The following PID1 variants were observed in gnomAD, a reference collection of about 807,000 sequenced individuals.
PID1 encodes the protein phosphotyrosine interaction domain containing 1.
A neutral mutation model predicts 19.1 loss-of-function variants in PID1; 10 were observed. The ratio of observed to expected loss-of-function variants is 0.52; its 90% CI spans 0.32 to 0.89. The LOEUF (loss-of-function observed/expected upper bound fraction) is 0.89, where lower values mean the gene tolerates loss of function less well. Among genes scored for constraint, PID1 ranks in the 40% least tolerant of loss-of-function variants. The pLI is 0.03. For synonymous variants in PID1, 130 were observed against 116.0 expected (o/e 1.12, Z -0.78); for missense variants, 248 against 285.3 (o/e 0.87, Z 0.94).
At chr2:229,169,160 T>G (rs112053906) in intron 1 of PID1, among the ~76,000 whole-genome samples, 12 of 152,308 alleles carry the variant, frequency 7.9e-5, no homozygotes, top group African/African-American at 2.6e-4. Flanking sequence ...TAGCCCACAA[T>G]TGACTTTTAA....
At chr2:229,088,912 T>C (rs565990850) in intron 2 of PID1, among the ~76,000 whole-genome samples, 2 of 152,274 alleles carry the variant, frequency 1.3e-5, no homozygotes, top group South Asian at 4.2e-4. Flanking sequence ...ACTGTTAGAG[T>C]CACTGGAATA....
chr2:229,185,082 CATATATATCCT>C (rs1559275368), intron 1 of PID1, among the ~76,000 whole-genome samples: 2 of 142,536 alleles, frequency 1.4e-5, no homozygotes, highest in African/African-American at 5.2e-5. Context: ...ATATATCCTA[CATATATATCCT>C]ATATATATCC....
chr2:229,095,600 T>C (rs1694957929), intron 2 of PID1, among the ~76,000 whole-genome samples: 1 of 152,172 alleles, frequency 6.6e-6, no homozygotes, highest in South Asian at 2.1e-4. Context: ...TCTCCTTGCA[T>C]TGATAAGCAA....
intron 1 of PID1, among the ~76,000 whole-genome samples, chr2:229,265,921 C>T (rs1369833684): frequency 2.0e-5 from 3 of 152,122 alleles, no homozygotes; most frequent in South Asian, 2.1e-4. Flanking sequence ...ACAGTCAACA[C>T]GAAACAGCCA....
At position 229,107,120 on chromosome 2, in the gene PID1, G is replaced by T. The variant is rs1293395956; in HGVS notation, c.177+48698C>A. Among the ~76,000 whole-genome samples, 6 of 152,100 alleles carry T rather than the reference G, an allele frequency of 3.9e-5. No individual in the cohort carries two copies. The East Asian group carries it at 7.7e-4, about 20-fold the overall frequency. On this transcript the variant is annotated intron_variant, in intron 2 of 2. Transcript: ENST00000392055. Reference sequence around the variant, plus strand: ...GTCATACTTCCATGACCCAAGAAATGCCAGAAGCCACCAGAAGCTGGAAGA... The same window carrying T: ...GTCATACTTCCATGACCCAAGAAATTCCAGAAGCCACCAGAAGCTGGAAGA...
intron 1 of PID1, among the ~76,000 whole-genome samples, chr2:229,169,174 T>C (rs1243617922): frequency 6.6e-6 from 1 of 152,202 alleles, no homozygotes; most frequent in African/African-American, 2.4e-5. Context: ...CTTTTAAAAA[T>C]GTAATAATTT....
intron 1 of PID1, among the ~76,000 whole-genome samples, chr2:229,164,406 T>C (rs1690557504): frequency 6.6e-6 from 1 of 152,130 alleles, no homozygotes. Context: ...AGAATAATAA[T>C]ATAACACAAT....
At chr2:229,232,059 C>A (rs530064354) in intron 1 of PID1, 1 of 1,538,204 alleles carries the variant, frequency 6.5e-7, no homozygotes, top group African/African-American at 1.4e-5. Flanking sequence ...GAACATGGCA[C>A]GAAGCCTCTT....
chr2:229,101,128 C>T (rs1314522204), intron 2 of PID1, among the ~76,000 whole-genome samples: 1 of 152,172 alleles, frequency 6.6e-6, no homozygotes, highest in Non-Finnish European at 1.5e-5. Context: ...ACGGTGTGAA[C>T]ACAAGATTCC....
At position 229,069,141 on chromosome 2, in the gene PID1, TTTTGTGTGTGTGTG is replaced by T. The variant is rs1371911880; in HGVS notation, c.178-43047_178-43034del. ...CTTTCCTTTCTTTAACGAGAAGGGTTTTTGTGTGTGTGTGTGTGTGTGTGTGTGTGTGTGTGTGA... is the reference window on the plus strand; with the variant it reads ...CTTTCCTTTCTTTAACGAGAAGGGTTTGTGTGTGTGTGTGTGTGTGTGTGA... On this transcript the variant is annotated intron_variant, in intron 2 of 2. Transcript: ENST00000392055. Among the ~76,000 whole-genome samples, 188 of 128,810 alleles carry T rather than the reference TTTTGTGTGTGTGTG, an allele frequency of 1.5e-3. 1 individual carries two copies. The highest frequency in any genetic ancestry group is 2.5e-3 in the Admixed American group (32 of 12,550). The allele number at this position is 128,810 out of a possible 152,430, so 84.5% of individuals were successfully genotyped here.
chr2:229,269,978 T>A (rs1017474409), intron 1 of PID1, among the ~76,000 whole-genome samples: 6 of 152,138 alleles, frequency 3.9e-5, no homozygotes, highest in African/African-American at 1.2e-4. Flanking sequence ...TAGACAAAGG[T>A]TAGCCTCTCC....
At chr2:229,237,081 TC>T (rs1021974265) in intron 1 of PID1, among the ~76,000 whole-genome samples, 1 of 151,884 alleles carries the variant, frequency 6.6e-6, no homozygotes, top group African/African-American at 2.4e-5. Context: ...AAAATATTAC[TC>T]CATATTAAGA....
chr2:229,028,285 A>AT (rs1221097205), intron 2 of PID1, among the ~76,000 whole-genome samples: 5 of 152,210 alleles, frequency 3.3e-5, no homozygotes, highest in African/African-American at 1.2e-4. Flanking sequence ...TATATACCTT[A>AT]TACACATAGC....
chr2:229,172,772 C>A (rs917249180), intron 1 of PID1, among the ~76,000 whole-genome samples: 7 of 152,066 alleles, frequency 4.6e-5, no homozygotes, highest in African/African-American at 1.4e-4. Flanking sequence ...ACTCTTGTTG[C>A]CCAGACAGGA....
intron 2 of PID1, among the ~76,000 whole-genome samples, chr2:229,145,789 T>C (rs1372783870): frequency 2.0e-5 from 3 of 152,156 alleles, no homozygotes; most frequent in African/African-American, 7.2e-5. Context: ...TGTGAATATT[T>C]GTAGTACAAA....
intron 1 of PID1, chr2:229,232,038 A>C (rs1341514037): frequency 6.5e-7 from 1 of 1,546,928 alleles, no homozygotes; most frequent in Admixed American, 2.0e-5. Context: ...TGGAAGGCTA[A>C]GGGGCAGGCT....
intron 1 of PID1, among the ~76,000 whole-genome samples, chr2:229,236,096 C>T (rs1237210176): frequency 6.6e-6 from 1 of 151,994 alleles, no homozygotes; most frequent in Non-Finnish European, 1.5e-5. Flanking sequence ...TGTTGAGGCT[C>T]GATGAGCATA....
chr2:229,161,826 A>G (rs1168147990), intron 1 of PID1, among the ~76,000 whole-genome samples: 1 of 152,172 alleles, frequency 6.6e-6, no homozygotes, highest in Admixed American at 6.5e-5. Flanking sequence ...TATATGCCAT[A>G]CCCAGTTCTG....
chr2:229,239,974 A>G (rs1202150740), intron 1 of PID1, among the ~76,000 whole-genome samples: 1 of 152,128 alleles, frequency 6.6e-6, no homozygotes, highest in African/African-American at 2.4e-5. Flanking sequence ...TGGGAGTTCT[A>G]TTTTCATCTA....
Sources: allele counts gnomAD v4.1 joint callset (sites outside exome capture counted in the v4.1 genomes callset), GRCh38; gene constraint gnomAD v4.1.1; transcripts MANE v1.5; gene names NCBI Gene and HGNC (gene_info 2026-07-23, HGNC 2026-07-21).